NEBL: variants seen among roughly 807,000 people sequenced by gnomAD.
NEBL encodes the protein nebulette, also known as LIM and SH3 protein 2.
Under a neutral mutation model 140.2 loss-of-function variants are expected in NEBL, and 122 were observed. That is an observed-to-expected ratio of 0.87 (90% CI 0.75 to 1.01). The LOEUF (loss-of-function observed/expected upper bound fraction) is 1.01. NEBL is among the 50% of genes least tolerant of loss of function. The pLI is 0.00. For missense variants in NEBL, 1,365 were observed against 1,231.3 expected, an observed-to-expected ratio of 1.11 and a Z score of -1.62; for synonymous variants, 436 against 398.9, an observed-to-expected ratio of 1.09 and a Z score of -1.11.
intron 2 of NEBL, among the ~76,000 whole-genome samples, chr10:21,054,972 C>T (rs1834944994): frequency 6.6e-6 from 1 of 152,116 alleles, no homozygotes; most frequent in African/African-American, 2.4e-5. Context: ...TTAAAGCGTT[C>T]TTACTTCTGG....
chr10:20,901,257 T>C (rs538854378), upstream of NEBL, among the ~76,000 whole-genome samples: 458 of 152,288 alleles, frequency 3.0e-3, 3 homozygotes, highest in South Asian at 5.6e-3. Context: ...GATCTTTTGA[T>C]AGCTTGATGT....
rs1180771006 is a variant in NEBL, at chr10:20,809,819, G to A, written c.2598C>T (p.Leu866=). The change falls in exon 25 of 28, where the codon CTC becomes CTT. Residue 866 remains leucine (L), a synonymous_variant. Coordinates refer to ENST00000377122, the MANE Select transcript of NEBL (RefSeq NM_006393.3). ...AGTGAGTAATACCAGAGAGCATATG[G>A]AGACTTCTAGACTGAATATTGTCTT... is the stretch of plus-strand genomic sequence containing the variant. ...PLEDNIQSRS[L]HMLSEKASHY... is the part of the protein sequence containing the mutation. The A allele has an allele frequency of 1.2e-6, 2 of 1,609,920 alleles. No homozygotes were observed. The highest frequency in any genetic ancestry group is 8.5e-7 in the Non-Finnish European group (1 of 1,176,304).
At chr10:20,868,818 C>A in intron 6 of NEBL, 53 bp from the exon 7 acceptor site, 5 of 1,209,482 alleles carry the variant, frequency 4.1e-6, no homozygotes, top group East Asian at 2.4e-5. Context: ...CAATGATGAA[C>A]TACATTGACA....
intron 11 of NEBL, among the ~76,000 whole-genome samples, chr10:20,847,452 C>T (rs1209928684): frequency 1.3e-5 from 2 of 152,136 alleles, no homozygotes; most frequent in East Asian, 3.8e-4. Context: ...ATTTCTACTA[C>T]AGAAACATAG....
At chr10:20,888,580 A>T (rs1160644164) in intron 3 of NEBL, among the ~76,000 whole-genome samples, 1 of 152,190 alleles carries the variant, frequency 6.6e-6, no homozygotes, top group African/African-American at 2.4e-5. Context: ...GAACTTGACA[A>T]AGGACAGTGT....
At chr10:20,832,095 A>C (rs1840469353) in intron 14 of NEBL, among the ~76,000 whole-genome samples, 1 of 152,168 alleles carries the variant, frequency 6.6e-6, no homozygotes, top group African/African-American at 2.4e-5. Flanking sequence ...AGCTGGGCTT[A>C]AATAAATCAT....
chr10:21,278,266 G>A (rs1564554664), intron 1 of NEBL, among the ~76,000 whole-genome samples: 1 of 152,046 alleles, frequency 6.6e-6, no homozygotes, highest in South Asian at 2.1e-4. Flanking sequence ...ACAGCAAGAC[G>A]CCGTCTCTAC....
At chr10:21,058,783 T>C (rs964098965) in intron 2 of NEBL, among the ~76,000 whole-genome samples, 9 of 152,132 alleles carry the variant, frequency 5.9e-5, no homozygotes, top group Non-Finnish European at 1.2e-4. Flanking sequence ...ATTGGTCTAG[T>C]ATATAATTTA....
chr10:20,869,799 C>T lies in NEBL; in HGVS notation c.523G>A (p.Ala175Thr), dbSNP rs71541562. The T allele has an allele frequency of 1.5e-4, 248 of 1,613,572 alleles. No individual in the cohort carries two copies. The highest frequency in any genetic ancestry group is 1.9e-4 in the Non-Finnish European group (227 of 1,179,594). ...TTGATGTCTGGTCGGTCAAGTTCTGCACTGTACGTGTGGGTGTCCTGCACG... is the reference window on the plus strand; with the variant it reads ...TTGATGTCTGGTCGGTCAAGTTCTGTACTGTACGTGTGGGTGTCCTGCACG... ...KDVQDTHTYS[A>T]ELDRPDIKMA... The change falls in exon 6 of 28, where the codon GCA (alanine) becomes ACA (threonine). Residue 175 changes from alanine to threonine, a missense_variant. Ala to Thr is a moderately conservative substitution (Grantham distance 58). Coordinates refer to ENST00000377122, the MANE Select transcript of NEBL (RefSeq NM_006393.3).
intron 2 of NEBL, among the ~76,000 whole-genome samples, chr10:21,043,942 T>C (rs939951418): frequency 2.0e-5 from 3 of 152,204 alleles, no homozygotes; most frequent in Non-Finnish European, 4.4e-5. Flanking sequence ...CAACTCTAAA[T>C]AGATCCACAG....
chr10:20,866,222 C>T (rs1017835739), intron 7 of NEBL, among the ~76,000 whole-genome samples: 2 of 151,826 alleles, frequency 1.3e-5, no homozygotes, highest in African/African-American at 4.8e-5. Flanking sequence ...GGGAAGGGGG[C>T]GTTGGGGAGT....
intron 3 of NEBL, among the ~76,000 whole-genome samples, chr10:21,213,738 T>C (rs1327260757): frequency 1.3e-5 from 2 of 152,322 alleles, no homozygotes; most frequent in Non-Finnish European, 2.9e-5. Context: ...TTAGCTATAA[T>C]GTAAGTGGAG....
intron 4 of NEBL, among the ~76,000 whole-genome samples, chr10:20,906,047 TG>T (rs1848079047): frequency 6.6e-6 from 1 of 152,202 alleles, no homozygotes; most frequent in South Asian, 2.1e-4. Flanking sequence ...TTTGTGTATG[TG>T]GACTTTATGA....
intron 24 of NEBL, 120 bp from the exon 25 acceptor site, chr10:20,810,018 A>C: frequency 1.4e-6 from 1 of 719,040 alleles, no homozygotes; most frequent in East Asian, 2.7e-5. Context: ...AGATATAAGA[A>C]GCAAACATGT....
chr10:20,954,822 A>G (rs1395930501), intron 4 of NEBL, among the ~76,000 whole-genome samples: 7 of 152,124 alleles, frequency 4.6e-5, no homozygotes, highest in African/African-American at 1.4e-4. Flanking sequence ...GGCTGTCTCA[A>G]TGGTAGCCTC....
chr10:21,194,059 C>T (rs918613766), intron 3 of NEBL, among the ~76,000 whole-genome samples: 8 of 152,134 alleles, frequency 5.3e-5, no homozygotes, highest in Non-Finnish European at 8.8e-5. Context: ...ACTGCAGTCT[C>T]GAACTCCTGG....
At chr10:21,240,459 A>G (rs1366295676) in intron 3 of NEBL, among the ~76,000 whole-genome samples, 1 of 152,150 alleles carries the variant, frequency 6.6e-6, no homozygotes, top group African/African-American at 2.4e-5. Context: ...CCTGGCCAAC[A>G]TGGTGAAACC....
At chr10:21,166,176 A>T (rs1840753390) in intron 2 of NEBL, among the ~76,000 whole-genome samples, 1 of 142,632 alleles carries the variant, frequency 7.0e-6, no homozygotes, top group Non-Finnish European at 1.5e-5. Context: ...GCCGAGATCA[A>T]GCCACTGCAC....
At chr10:21,272,978 C>A (rs1223147378) in intron 1 of NEBL, among the ~76,000 whole-genome samples, 1 of 152,160 alleles carries the variant, frequency 6.6e-6, no homozygotes, top group Non-Finnish European at 1.5e-5. Context: ...CTCCTTCTTA[C>A]TCTGCCACCC....
Sources: allele counts gnomAD v4.1 joint callset (sites outside exome capture counted in the v4.1 genomes callset), GRCh38; gene constraint gnomAD v4.1.1; transcripts MANE v1.5; gene names NCBI Gene and HGNC (gene_info 2026-07-23, HGNC 2026-07-21).